Variants in PPFIA2 observed in about 807,000 individuals in gnomAD.
The protein encoded by PPFIA2 is PPFI scaffold protein A2.
PPFIA2 carries 46 observed loss-of-function variants against 175.5 expected under a neutral mutation model. The observed-to-expected ratio is 0.26, with a 90% confidence interval of 0.21 to 0.34. The LOEUF (loss-of-function observed/expected upper bound fraction) is 0.34. Among genes scored for constraint, PPFIA2 ranks in the 10% least tolerant of loss-of-function variants. PPFIA2 has a pLI of 1.00. For synonymous variants in PPFIA2, 568 were observed against 511.4 expected (o/e 1.11, Z -1.49); for missense variants, 1,179 against 1,506.1 (o/e 0.78, Z 3.60).
chr12:81,704,611 T>C (rs981434170), intron 3 of PPFIA2, among the ~76,000 whole-genome samples: 2 of 152,088 alleles, frequency 1.3e-5, no homozygotes, highest in Non-Finnish European at 2.9e-5. Context: ...AAAAGACAAG[T>C]GCAGACTTCA....
At chr12:81,311,001 T>C in intron 22 of PPFIA2, among the ~76,000 whole-genome samples, 1 of 152,218 alleles carries the variant, frequency 6.6e-6, no homozygotes, top group Middle Eastern at 3.2e-3. Context: ...AGTCATTTTA[T>C]TGATAAAAAA....
chr12:81,316,481 T>C (rs1256929224), intron 22 of PPFIA2, among the ~76,000 whole-genome samples: 1 of 151,624 alleles, frequency 6.6e-6, no homozygotes, highest in African/African-American at 2.4e-5. Context: ...TAATTTAGAT[T>C]GATTCAAGCA....
chr12:81,453,726 C>A (rs974957858), intron 5 of PPFIA2, among the ~76,000 whole-genome samples: 21 of 152,090 alleles, frequency 1.4e-4, no homozygotes, highest in African/African-American at 5.1e-4. Context: ...TAACTTGAGG[C>A]AGTTGGATTT....
At chr12:81,474,534 C>T (rs1244292250) in intron 4 of PPFIA2, among the ~76,000 whole-genome samples, 4 of 152,116 alleles carry the variant, frequency 2.6e-5, no homozygotes, top group Non-Finnish European at 5.9e-5. Context: ...TCAAGTGATC[C>T]GCCTGTGCCA....
At chr12:81,680,203 T>C (rs946611717) in intron 3 of PPFIA2, among the ~76,000 whole-genome samples, 2 of 151,998 alleles carry the variant, frequency 1.3e-5, no homozygotes, top group African/African-American at 4.8e-5. Flanking sequence ...TTTAACCATA[T>C]TGCATACCAT....
chr12:81,611,459 G>A (rs2060902352), intron 4 of PPFIA2, among the ~76,000 whole-genome samples: 1 of 152,106 alleles, frequency 6.6e-6, no homozygotes, highest in Non-Finnish European at 1.5e-5. Flanking sequence ...TCATGGTTGG[G>A]TTCTAGCTGT....
chr12:81,517,393 A>G (rs2062594690), intron 4 of PPFIA2, among the ~76,000 whole-genome samples: 1 of 152,152 alleles, frequency 6.6e-6, no homozygotes, highest in African/African-American at 2.4e-5. Context: ...TAGCTGTAGC[A>G]GCTCCAGAAA....
intron 3 of PPFIA2, among the ~76,000 whole-genome samples, chr12:81,679,025 TAAAAC>T (rs1300023651): frequency 6.6e-6 from 1 of 151,820 alleles, no homozygotes; most frequent in Non-Finnish European, 1.5e-5. Context: ...TTTGTATAAT[TAAAAC>T]AAAGCATCAA....
intron 4 of PPFIA2, among the ~76,000 whole-genome samples, chr12:81,515,593 T>C (rs919812223): frequency 6.6e-6 from 1 of 152,074 alleles, no homozygotes; most frequent in South Asian, 2.1e-4. Flanking sequence ...ACTTGCTTTA[T>C]TCATCAGCTT....
chr12:81,306,254 A>T (rs577846108), intron 22 of PPFIA2, among the ~76,000 whole-genome samples: 1 of 152,090 alleles, frequency 6.6e-6, no homozygotes, highest in East Asian at 1.9e-4. Flanking sequence ...GATAAACTTT[A>T]TGGCAGAGTG....
chr12:81,650,117 C>G (rs2066799722), intron 4 of PPFIA2, among the ~76,000 whole-genome samples: 1 of 151,876 alleles, frequency 6.6e-6, no homozygotes, highest in African/African-American at 2.4e-5. Flanking sequence ...TCACGCCATT[C>G]TCCTGCCTCA....
At chr12:81,670,833 A>G (rs1473501409) in intron 4 of PPFIA2, among the ~76,000 whole-genome samples, 2 of 151,866 alleles carry the variant, frequency 1.3e-5, no homozygotes, top group African/African-American at 4.8e-5. Flanking sequence ...GGCATTAATG[A>G]TTCTCACATT....
chr12:81,493,600 T>C (rs1015321645), intron 4 of PPFIA2, among the ~76,000 whole-genome samples: 2 of 151,672 alleles, frequency 1.3e-5, no homozygotes, highest in African/African-American at 4.8e-5. Context: ...GGCAACAGCC[T>C]GGGAAGATAC....
chr12:81,335,791 A>G (rs2057030481), intron 21 of PPFIA2, among the ~76,000 whole-genome samples: 1 of 151,990 alleles, frequency 6.6e-6, no homozygotes, highest in African/African-American at 2.4e-5. Flanking sequence ...AAGACAATGA[A>G]CAAAAATACA....
At chr12:81,450,893 A>G (rs1207108504) in intron 5 of PPFIA2, among the ~76,000 whole-genome samples, 3 of 152,118 alleles carry the variant, frequency 2.0e-5, no homozygotes, top group Non-Finnish European at 4.4e-5. Context: ...AAGCTTGGAC[A>G]TAATACATTG....
chr12:81,401,745 T>G (rs2042126306), intron 8 of PPFIA2, among the ~76,000 whole-genome samples: 1 of 152,026 alleles, frequency 6.6e-6, no homozygotes, highest in African/African-American at 2.4e-5. Flanking sequence ...TTTACAAGAG[T>G]AGCATGTTTA....
At chr12:81,436,236 G>A (rs1483327069) in intron 7 of PPFIA2, among the ~76,000 whole-genome samples, 5 of 123,410 alleles carry the variant, frequency 4.1e-5, no homozygotes, top group South Asian at 5.7e-4. Flanking sequence ...AGCCTTGATC[G>A]TGCCACTGCA....
At chr12:81,589,229 G>C (rs1004503727) in intron 4 of PPFIA2, among the ~76,000 whole-genome samples, 26 of 152,154 alleles carry the variant, frequency 1.7e-4, no homozygotes, top group African/African-American at 6.0e-4. Flanking sequence ...GTATTAGGTA[G>C]AGACTTCTGC....
At chr12:81,587,510 A>T (rs2075456745) in intron 4 of PPFIA2, among the ~76,000 whole-genome samples, 1 of 152,030 alleles carries the variant, frequency 6.6e-6, no homozygotes, top group Non-Finnish European at 1.5e-5. Context: ...GTGAAAATGG[A>T]CTAATACATT....
Sources: gnomAD v4.1 joint callset for allele counts (sites outside exome capture counted in the v4.1 genomes callset) on GRCh38, gnomAD v4.1.1 for gene constraint, MANE v1.5 for transcripts, NCBI Gene and HGNC (gene_info 2026-07-23, HGNC 2026-07-21) for gene names.